GALNT13: variants seen among roughly 807,000 people sequenced by gnomAD.
GALNT13 encodes polypeptide N-acetylgalactosaminyltransferase 13, also known as UDP-GalNAc:polypeptide N-acetylgalactosaminyltransferase 13.
GALNT13 carries 28 observed loss-of-function variants against 64.2 expected under a neutral mutation model. The observed-to-expected ratio is 0.44, with a 90% CI of 0.32 to 0.60. The LOEUF (loss-of-function observed/expected upper bound fraction) is 0.60. Among genes scored for constraint, GALNT13 ranks in the 20% least tolerant of loss-of-function variants. The pLI, the probability that GALNT13 is intolerant of heterozygous loss-of-function variation, is 0.05. For missense variants in GALNT13, 577 were observed against 669.8 expected, an observed-to-expected ratio of 0.86 and a Z score of 1.53; for synonymous variants, 214 against 224.6, an observed-to-expected ratio of 0.95 and a Z score of 0.42.
At chr2:154,171,482 G>T (rs1274081362) in intron 4 of GALNT13, among the ~76,000 whole-genome samples, 2 of 152,074 alleles carry the variant, frequency 1.3e-5, no homozygotes, top group Admixed American at 1.3e-4. Flanking sequence ...GTCAAATCAG[G>T]TATTAGTCCC....
the GALNT13 span, among the ~76,000 whole-genome samples, chr2:153,616,858 T>G: frequency 6.6e-6 from 1 of 152,044 alleles, no homozygotes; most frequent in Non-Finnish European, 1.5e-5. Flanking sequence ...TAACTCTATA[T>G]CATCTACAAA....
the GALNT13 span, among the ~76,000 whole-genome samples, chr2:153,802,140 G>A: frequency 1.6e-4 from 24 of 152,242 alleles, no homozygotes; most frequent in African/African-American, 5.5e-4. Context: ...TAGGTAAAAT[G>A]TCACATGCCC....
At chr2:153,196,808 G>A in the GALNT13 span, among the ~76,000 whole-genome samples, 108 of 151,910 alleles carry the variant, frequency 7.1e-4, no homozygotes, top group Non-Finnish European at 1.4e-3. Context: ...AGCTCCTGCC[G>A]GCTCCATGGA....
intron 3 of GALNT13, among the ~76,000 whole-genome samples, chr2:154,065,878 A>G (rs1700436645): frequency 6.6e-6 from 1 of 152,326 alleles, no homozygotes; most frequent in Admixed American, 6.5e-5. Flanking sequence ...TCTCAAATGA[A>G]CTAAGTAAGT....
the GALNT13 span, among the ~76,000 whole-genome samples, chr2:153,144,837 A>C: frequency 2.0e-5 from 3 of 151,874 alleles, no homozygotes; most frequent in Admixed American, 1.3e-4. Flanking sequence ...AAACTCGGGA[A>C]GTTTTCTTAA....
chr2:153,742,175 T>C, the GALNT13 span, among the ~76,000 whole-genome samples: 1 of 152,126 alleles, frequency 6.6e-6, no homozygotes, highest in Non-Finnish European at 1.5e-5. Context: ...CTTTCTGCTT[T>C]TTTGATGTAT....
the GALNT13 span, among the ~76,000 whole-genome samples, chr2:153,149,606 T>A: frequency 6.6e-6 from 1 of 151,870 alleles, no homozygotes; most frequent in Admixed American, 6.6e-5. Flanking sequence ...AATGTCACCA[T>A]GGAGATCCTT....
At chr2:153,710,243 A>G in the GALNT13 span, among the ~76,000 whole-genome samples, 1 of 152,092 alleles carries the variant, frequency 6.6e-6, no homozygotes, top group African/African-American at 2.4e-5. Context: ...TACCTAAGAA[A>G]TCCATACAAC....
At chr2:154,353,856 A>G (rs1419243080) in intron 9 of GALNT13, among the ~76,000 whole-genome samples, 2 of 152,158 alleles carry the variant, frequency 1.3e-5, no homozygotes, top group African/African-American at 4.8e-5. Flanking sequence ...ATTGTGAACA[A>G]TGCTGCAGTG....
the GALNT13 span, among the ~76,000 whole-genome samples, chr2:153,635,897 A>C: frequency 0.011 from 1,642 of 152,088 alleles, 21 homozygotes; most frequent in African/African-American, 0.037. Context: ...AGATGCTTTG[A>C]GGCAGGGGTA....
the GALNT13 span, among the ~76,000 whole-genome samples, chr2:153,235,391 C>A: frequency 1.3e-5 from 2 of 152,058 alleles, no homozygotes; most frequent in South Asian, 4.1e-4. Context: ...ACAGCACCAA[C>A]TGACACTTGG....
At chr2:154,183,569 G>A (rs1164879013) in intron 4 of GALNT13, among the ~76,000 whole-genome samples, 7 of 151,944 alleles carry the variant, frequency 4.6e-5, no homozygotes, top group Admixed American at 4.6e-4. Context: ...AACATTAGCT[G>A]GGTATGGTAG....
chr2:153,183,951 C>A, the GALNT13 span, among the ~76,000 whole-genome samples: 1 of 152,076 alleles, frequency 6.6e-6, no homozygotes, highest in South Asian at 2.1e-4. Flanking sequence ...CTCAGCTATG[C>A]GGGCTCTTTT....
At chr2:153,241,415 G>A in the GALNT13 span, among the ~76,000 whole-genome samples, 3 of 152,130 alleles carry the variant, frequency 2.0e-5, no homozygotes, top group African/African-American at 7.2e-5. Flanking sequence ...TGCTAATTTT[G>A]TTCCCCATGC....
the GALNT13 span, among the ~76,000 whole-genome samples, chr2:153,080,148 T>C: frequency 6.6e-6 from 1 of 152,190 alleles, no homozygotes; most frequent in Non-Finnish European, 1.5e-5. Flanking sequence ...TAGGTTAGCA[T>C]TGGTTTGGTT....
At chr2:154,076,563 G>A (rs1273870935) in intron 3 of GALNT13, among the ~76,000 whole-genome samples, 1 of 151,588 alleles carries the variant, frequency 6.6e-6, no homozygotes, top group Non-Finnish European at 1.5e-5. Flanking sequence ...AATGATAGAA[G>A]ATAAAATTTA....
At chr2:153,391,949 T>G in the GALNT13 span, among the ~76,000 whole-genome samples, 1 of 149,930 alleles carries the variant, frequency 6.7e-6, no homozygotes, top group South Asian at 2.1e-4. Context: ...TGAAATATAC[T>G]ATCTATATTT....
chr2:153,678,150 C>T, the GALNT13 span, among the ~76,000 whole-genome samples: 5 of 107,388 alleles, frequency 4.7e-5, no homozygotes, highest in African/African-American at 1.5e-4. Flanking sequence ...ATGCATCCGA[C>T]AAATGAATAT....
intron 3 of GALNT13, among the ~76,000 whole-genome samples, chr2:154,003,275 T>A (rs758185056): frequency 2.6e-5 from 4 of 152,168 alleles, no homozygotes; most frequent in Non-Finnish European, 5.9e-5. Flanking sequence ...TGGCCCCCCA[T>A]GAAGATTCCC....
Sources: allele counts gnomAD v4.1 joint callset (sites outside exome capture counted in the v4.1 genomes callset), GRCh38; gene constraint gnomAD v4.1.1; transcripts MANE v1.5; gene names NCBI Gene and HGNC (gene_info 2026-07-23, HGNC 2026-07-21).